Variants in SP110 observed in about 807,000 individuals in gnomAD.
SP110 encodes SP110 nuclear body protein.
Under a neutral mutation model 92.7 loss-of-function variants are expected in SP110, and 62 were observed. The ratio of observed to expected loss-of-function variants is 0.67; its 90% CI spans 0.55 to 0.83. The LOEUF is 0.83. SP110 is among the 40% of genes least tolerant of loss of function. The pLI, the probability that SP110 is intolerant of heterozygous loss-of-function variation, is 0.00. For missense variants in SP110, 793 were observed against 863.9 expected (o/e 0.92, Z 1.03); for synonymous variants, 273 against 305.3 (o/e 0.89, Z 1.10).
chr2:230,194,185 CATGTTTGGGAGCTGG>C (rs1559155036), intron 10 of SP110, among the ~76,000 whole-genome samples: 1 of 152,100 alleles, frequency 6.6e-6, no homozygotes, highest in African/African-American at 2.4e-5. Context: ...TGTCCTAATT[CATGTTTGGGAGCTGG>C]GACAAGATCT....
chr2:230,220,054 G>A (rs1415915363), upstream of SP110: 5 of 985,448 alleles, frequency 5.1e-6, no homozygotes, highest in African/African-American at 8.7e-5. Context: ...AGTTTGCCAA[G>A]CCGGAAGCTG....
rs551317252 is a variant in SP110, at chr2:230,196,811, C to T, written c.1129+4074G>A. On this transcript the variant is annotated intron_variant, in intron 10 of 18. Coordinates refer to ENST00000258381, the MANE Select transcript of SP110 (RefSeq NM_080424.4). ...TGCAGTGTTTGGTTTTTTGTCCTTGCAATAGTTTGCAGAGAATGATGGTTT... is the reference window on the plus strand; with the variant it reads ...TGCAGTGTTTGGTTTTTTGTCCTTGTAATAGTTTGCAGAGAATGATGGTTT... Among the ~76,000 whole-genome samples the T allele has an allele frequency of 6.6e-5, 10 of 152,028 alleles. No individual in the cohort carries two copies. In the East Asian group the frequency reaches 1.4e-3, roughly 21 times the overall value.
At chr2:230,191,126 G>T (rs2042612308) in intron 10 of SP110, among the ~76,000 whole-genome samples, 1 of 152,112 alleles carries the variant, frequency 6.6e-6, no homozygotes, top group African/African-American at 2.4e-5. Flanking sequence ...GAATCTCTGG[G>T]ACACAGCTAA....
intron 10 of SP110, among the ~76,000 whole-genome samples, chr2:230,186,722 T>A (rs2042378819): frequency 6.6e-6 from 1 of 152,174 alleles, no homozygotes; most frequent in South Asian, 2.1e-4. Flanking sequence ...AGTACTAATA[T>A]CTTAGCTCCC....
At chr2:230,220,131 C>T, upstream of SP110, 7 of 970,486 alleles carry the variant, frequency 7.2e-6, no homozygotes, top group Non-Finnish European at 7.4e-6. Flanking sequence ...CCCAGGACGT[C>T]TTGGCAGTTG....
chr2:230,192,365 T>C (rs1164645947), intron 10 of SP110, among the ~76,000 whole-genome samples: 1 of 152,172 alleles, frequency 6.6e-6, no homozygotes, highest in Middle Eastern at 3.2e-3. Context: ...GCAGATGACA[T>C]GATTATATAC....
intron 11 of SP110, among the ~76,000 whole-genome samples, chr2:230,185,541 T>C (rs2042319198): frequency 6.6e-6 from 1 of 151,916 alleles, no homozygotes; most frequent in Non-Finnish European, 1.5e-5. Flanking sequence ...ACAGACAATT[T>C]AGGCAATTTG....
At chr2:230,213,086 G>A (rs889011811) in intron 3 of SP110, 59 bp from the exon 4 acceptor site, 2 of 1,571,612 alleles carry the variant, frequency 1.3e-6, no homozygotes, top group Non-Finnish European at 1.7e-6. Flanking sequence ...ACTTGGGGAA[G>A]GGGATTTCTT....
chr2:230,169,005 G>C lies in SP110; in HGVS notation c.*119C>G. 1.3e-6 allele frequency: 1 copy of C among 764,148 alleles called. No individual in the cohort carries two copies. The allele number at this position is 764,148 out of a possible 1,614,324, so 47.3% of individuals were successfully genotyped here. ...GGTGTGATAATCCTATGAAGTGTCT[G>C]GGTTTGGGTCCTGAGGGCAGCCAAT... On this transcript the variant is annotated 3_prime_UTR_variant, in exon 19 of 19. Coordinates refer to ENST00000258381, the MANE Select transcript of SP110 (RefSeq NM_080424.4).
At chr2:230,209,362 G>A (rs2044220211) in intron 7 of SP110, among the ~76,000 whole-genome samples, 1 of 152,164 alleles carries the variant, frequency 6.6e-6, no homozygotes, top group Admixed American at 6.5e-5. Context: ...CATCTAGGAT[G>A]ATGCTGGGAC....
chr2:230,217,327 G>T (rs905982507), intron 1 of SP110, among the ~76,000 whole-genome samples: 1 of 151,744 alleles, frequency 6.6e-6, no homozygotes, highest in South Asian at 2.1e-4. Flanking sequence ...CAGATCTAAA[G>T]GTAAGCATTC....
In SP110 at chr2:230,202,711, G is replaced by A. The variant is rs148304482; in HGVS notation, c.916C>T (p.His306Tyr). ...SLPGGTASSR[H>Y]GIQKKLKRVD... ...CTTTTGAGCTTCTTTTGGATTCCGT[G>A]TCTAGATGAGGCTGTCCCTGGACCA... Residue 306 changes from histidine (H) to tyrosine (Y), a missense_variant, in exon 9 of 19, where the codon CAC (histidine) becomes TAC (tyrosine). Transcript: ENST00000258381. 2 of 1,613,992 alleles carry A rather than the reference G, an allele frequency of 1.2e-6. No individual in the cohort carries two copies. The highest frequency in any genetic ancestry group is 1.3e-5 in the African/African-American group (1 of 74,908).
At chr2:230,190,103 G>A (rs1057440919) in intron 10 of SP110, among the ~76,000 whole-genome samples, 5 of 152,112 alleles carry the variant, frequency 3.3e-5, no homozygotes, top group Admixed American at 2.6e-4. Flanking sequence ...GGTATTTCTG[G>A]TTCTACATCC....
chr2:230,178,020 C>T, intron 13 of SP110, 137 bp downstream of exon 13: 2 of 712,346 alleles, frequency 2.8e-6, no homozygotes, highest in East Asian at 5.4e-5. Flanking sequence ...TTTGGAAATT[C>T]CTTCCTAAGA....
At chr2:230,199,205 C>CTT (rs35807015) in intron 10 of SP110, among the ~76,000 whole-genome samples, 927 of 89,406 alleles carry the variant, frequency 0.01, 62 homozygotes, top group African/African-American at 0.024. Flanking sequence ...ACATAATCCT[C>CTT]TTTTTTTTTT....
At chr2:230,204,208 C>T (rs559173087) in intron 8 of SP110, among the ~76,000 whole-genome samples, 13 of 152,334 alleles carry the variant, frequency 8.5e-5, no homozygotes, top group Non-Finnish European at 1.3e-4. Flanking sequence ...GTCAGAGTTA[C>T]CTCAACAGAA....
At chr2:230,203,714 A>G (rs1242108649) in intron 8 of SP110, 1 of 152,220 alleles carries the variant, frequency 6.6e-6, no homozygotes, top group Non-Finnish European at 1.5e-5. Context: ...TTTCAGCACT[A>G]CTATATATAT....
rs1313779697 is a variant in SP110 at position 230,178,188 on chromosome 2, T to C, written c.1416A>G (p.Lys472=). The C allele has an allele frequency of 1.2e-6, 2 of 1,613,124 alleles. No homozygotes were observed. Among genetic ancestry groups the C allele is most frequent in the East Asian group, 4.5e-5 (2 of 44,882 alleles). The part of the protein sequence containing the change: ...SKLPVTCGEA[K]GILYKKKMKH... ...TCATTTTCTTCTTATATAAAATCCC[T>C]TTCGCCTCACCACAGGTCACGGGGA... The change falls in exon 13 of 19, where the codon AAA becomes AAG. Residue 472 remains lysine, a synonymous_variant. Transcript: ENST00000258381.
intron 12 of SP110, among the ~76,000 whole-genome samples, chr2:230,183,275 T>G (rs1276934464): frequency 6.6e-6 from 1 of 152,228 alleles, no homozygotes; most frequent in Non-Finnish European, 1.5e-5. Flanking sequence ...ATGGAAGACA[T>G]AGAAGTTCAT....
Sources: allele counts gnomAD v4.1 joint callset (sites outside exome capture counted in the v4.1 genomes callset), GRCh38; gene constraint gnomAD v4.1.1; transcripts MANE v1.5; gene names NCBI Gene and HGNC (gene_info 2026-07-23, HGNC 2026-07-21).